Variants in MAPKAPK3 observed in about 807,000 individuals in gnomAD.
MAPKAPK3 encodes the protein MAP kinase-activated protein kinase 3.
A neutral mutation model predicts 49.2 loss-of-function variants in MAPKAPK3; 35 were observed. The ratio of observed to expected loss-of-function variants is 0.71; its 90% CI spans 0.54 to 0.94. The LOEUF is 0.94. Ranked by LOEUF, MAPKAPK3 falls within the 40% of genes least tolerant of loss-of-function variation. The pLI is 0.00. For synonymous variants in MAPKAPK3, 178 were observed against 188.7 expected (o/e 0.94, Z 0.46); for missense variants, 398 against 493.1 (o/e 0.81, Z 1.83).
At chr3:50,614,399 A>G (rs2032410583), upstream of MAPKAPK3, among the ~76,000 whole-genome samples, 1 of 152,114 alleles carries the variant, frequency 6.6e-6, no homozygotes, top group South Asian at 2.1e-4. Flanking sequence ...AACAATCACA[A>G]GATGAATCAC....
chr3:50,614,191 T>G (rs914547150), upstream of MAPKAPK3: 4 of 152,208 alleles, frequency 2.6e-5, no homozygotes, highest in African/African-American at 9.7e-5. Flanking sequence ...CTGGCCAACT[T>G]AGTACTTAAT....
At chr3:50,646,053 T>A in intron 7 of MAPKAPK3, 87 bp from the exon 8 acceptor site, 1 of 1,507,608 alleles carries the variant, frequency 6.6e-7, no homozygotes. Flanking sequence ...TGGTTGTCTG[T>A]CTCCCCAGTC....
chr3:50,634,913 C>T (rs1207761747), intron 2 of MAPKAPK3, among the ~76,000 whole-genome samples: 3 of 152,196 alleles, frequency 2.0e-5, no homozygotes, highest in Admixed American at 6.5e-5. Flanking sequence ...GAGGCTGCTC[C>T]ATGGGGGCAA....
chr3:50,628,146 C>G (rs1204268104), intron 2 of MAPKAPK3, among the ~76,000 whole-genome samples: 2 of 152,186 alleles, frequency 1.3e-5, no homozygotes, highest in African/African-American at 4.8e-5. Flanking sequence ...GACCAGCTGT[C>G]ATTCTTCTGA....
upstream of MAPKAPK3, among the ~76,000 whole-genome samples, chr3:50,613,546 C>G (rs1026118347): frequency 6.6e-6 from 1 of 152,152 alleles, no homozygotes; most frequent in African/African-American, 2.4e-5. Context: ...CACTGACTTG[C>G]CAGTAGGAAC....
At chr3:50,622,518 T>C (rs767345871) in intron 2 of MAPKAPK3, among the ~76,000 whole-genome samples, 1 of 152,206 alleles carries the variant, frequency 6.6e-6, no homozygotes, top group Non-Finnish European at 1.5e-5. Flanking sequence ...TTATAGCACC[T>C]AGGCCCAAGG....
chr3:50,645,816 C>T (rs866221965), intron 7 of MAPKAPK3, 31 bp downstream of exon 7: 1 of 1,603,076 alleles, frequency 6.2e-7, no homozygotes, highest in Non-Finnish European at 8.5e-7. Context: ...CTGCCTCCAT[C>T]TCCTGCCCTT....
intron 2 of MAPKAPK3, among the ~76,000 whole-genome samples, chr3:50,635,126 C>T (rs527747330): frequency 6.6e-6 from 1 of 152,292 alleles, no homozygotes; most frequent in African/African-American, 2.4e-5. Flanking sequence ...TGTGTCCTGG[C>T]CCTGTGCTCA....
chr3:50,619,037 G>A (rs545617919), intron 2 of MAPKAPK3, among the ~76,000 whole-genome samples: 13 of 152,320 alleles, frequency 8.5e-5, no homozygotes, highest in African/African-American at 3.1e-4. Flanking sequence ...CTCTAGATAT[G>A]GCTAATAGCT....
At chr3:50,647,302 T>C in intron 10 of MAPKAPK3, 99 bp downstream of exon 10, 1 of 925,586 alleles carries the variant, frequency 1.1e-6, no homozygotes. Flanking sequence ...TTTGGCCCCT[T>C]TCTATACCTG....
intron 2 of MAPKAPK3, among the ~76,000 whole-genome samples, chr3:50,623,689 G>C (rs551465514): frequency 6.6e-6 from 1 of 152,274 alleles, no homozygotes; most frequent in Admixed American, 6.5e-5. Context: ...GAGGTCAGCA[G>C]CTTGCCCAAA....
exon 1 of MAPKAPK3, chr3:50,612,027 G>T (rs1054208321): frequency 1.2e-5 from 3 of 248,616 alleles, no homozygotes; most frequent in Admixed American, 5.7e-5. Context: ...ACGGGGCGGG[G>T]CCCCGCGAGC....
intron 3 of MAPKAPK3, 24 bp from the exon 4 acceptor site, chr3:50,641,683 T>C (rs1251132862): frequency 1.2e-6 from 2 of 1,607,430 alleles, no homozygotes; most frequent in Non-Finnish European, 1.7e-6. Context: ...TCCCCCTCTC[T>C]GCTTATAGTC....
chr3:50,621,592 T>G (rs1575996745), intron 2 of MAPKAPK3, among the ~76,000 whole-genome samples: 1 of 114,774 alleles, frequency 8.7e-6, no homozygotes, highest in East Asian at 2.7e-4. Context: ...AGTGAGGCTG[T>G]GTCTCAAAAA....
At chr3:50,621,620 A>AG (rs2032612810) in intron 2 of MAPKAPK3, among the ~76,000 whole-genome samples, 1 of 149,606 alleles carries the variant, frequency 6.7e-6, no homozygotes, top group Admixed American at 6.7e-5. Context: ...AAAAAAAAAA[A>AG]GTAGCCAGGT....
chr3:50,633,606 G>T (rs1197209746), intron 2 of MAPKAPK3, among the ~76,000 whole-genome samples: 2 of 152,194 alleles, frequency 1.3e-5, no homozygotes, highest in African/African-American at 4.8e-5. Context: ...GGGAGGGGTT[G>T]TCTGGGTGCT....
At chr3:50,611,795 G>T (rs536988377), upstream of MAPKAPK3, 3 of 1,101,286 alleles carry the variant, frequency 2.7e-6, no homozygotes, top group African/African-American at 3.3e-5. Context: ...GGCGCGGACC[G>T]CCTGCGAGGG....
chr3:50,617,989 T>C (rs1244902449), intron 2 of MAPKAPK3, among the ~76,000 whole-genome samples: 1 of 152,192 alleles, frequency 6.6e-6, no homozygotes, highest in East Asian at 1.9e-4. Flanking sequence ...GCTTTGAGTG[T>C]CCCAGTGAGC....
chr3:50,647,980 C>G lies in MAPKAPK3; in HGVS notation c.1083C>G (p.Leu361=), dbSNP rs1304975980. Residue 361 remains leucine, a synonymous_variant, in exon 11 of 11, where the codon CTC becomes CTG. Coordinates refer to ENST00000621469, the MANE Select transcript of MAPKAPK3 (RefSeq NM_001243925.2). ...IKDLKTSNNR[L]LNKRRKKQAG... is the part of the protein sequence containing the mutation. Reference sequence around the variant, plus strand: ...ACCTGAAGACCTCTAACAACCGGCTCCTCAACAAGAGGAGAAAAAAGCAGG... The same window carrying G: ...ACCTGAAGACCTCTAACAACCGGCTGCTCAACAAGAGGAGAAAAAAGCAGG... The G allele has an allele frequency of 3.7e-5, 59 of 1,613,844 alleles. No homozygotes were observed. Among genetic ancestry groups the G allele is most frequent in the Non-Finnish European group, 4.9e-5 (58 of 1,180,008 alleles).
Sources: gnomAD v4.1 joint callset for allele counts (sites outside exome capture counted in the v4.1 genomes callset) on GRCh38, gnomAD v4.1.1 for gene constraint, MANE v1.5 for transcripts, NCBI Gene and HGNC (gene_info 2026-07-23, HGNC 2026-07-21) for gene names.